Variants in DKK2 observed in about 807,000 individuals in gnomAD.
DKK2 encodes dickkopf Wnt signaling pathway inhibitor 2, also known as dickkopf-related protein 2.
A neutral mutation model predicts 28.1 loss-of-function variants in DKK2; 11 were observed. That is an observed-to-expected ratio of 0.39 (90% CI 0.25 to 0.65). DKK2 has a LOEUF of 0.65. DKK2 is among the 30% of genes least tolerant of loss of function. The pLI is 0.47. For missense variants in DKK2, 326 were observed against 335.5 expected (o/e 0.97, Z 0.22); for synonymous variants, 135 against 126.5 (o/e 1.07, Z -0.45).
At chr4:107,028,513 T>C (rs1341720073) in intron 1 of DKK2, among the ~76,000 whole-genome samples, 1 of 152,188 alleles carries the variant, frequency 6.6e-6, no homozygotes, top group Non-Finnish European at 1.5e-5. Context: ...TAAGTATTAT[T>C]ACTCTTACGT....
chr4:106,931,365 C>G (rs1435397032), intron 1 of DKK2, among the ~76,000 whole-genome samples: 1 of 151,786 alleles, frequency 6.6e-6, no homozygotes, highest in Non-Finnish European at 1.5e-5. Context: ...AACTATGATC[C>G]AGAAACTACT....
chr4:106,975,193 C>A (rs931450116), intron 1 of DKK2, among the ~76,000 whole-genome samples: 3 of 152,102 alleles, frequency 2.0e-5, no homozygotes, highest in African/African-American at 7.2e-5. Flanking sequence ...GGACATTGGT[C>A]TGAAATTATC....
chr4:107,035,808 C>A lies in DKK2; in HGVS notation c.-217G>T. On this transcript the variant is annotated 5_prime_UTR_variant, in exon 1 of 4. Coordinates refer to ENST00000285311, the MANE Select transcript of DKK2 (RefSeq NM_014421.3). ...AACCCAAGCGAGACCCGCTTCTCCA[C>A]CAGGACAGGAAGTTCTGCAATAACT... 1.7e-6 allele frequency: 1 copy of A among 588,892 alleles called. No homozygotes were observed. The highest frequency in any genetic ancestry group is 2.0e-5 in the South Asian group (1 of 49,070). 36.5% of individuals were successfully genotyped at this position (588,892 alleles called of 1,614,324 possible).
chr4:107,030,344 TA>T (rs1368186685), intron 1 of DKK2, among the ~76,000 whole-genome samples: 1 of 152,090 alleles, frequency 6.6e-6, no homozygotes, highest in African/African-American at 2.4e-5. Context: ...ATAGTAATAC[TA>T]AATTTTTCTT....
intron 1 of DKK2, among the ~76,000 whole-genome samples, chr4:107,031,859 GA>G (rs1723880123): frequency 6.6e-6 from 1 of 151,776 alleles, no homozygotes. Flanking sequence ...AATTTGTTTT[GA>G]AGGTGGTCCA....
At position 106,924,528 on chromosome 4, in the gene DKK2, A is replaced by G; in HGVS notation, c.529+17T>C. 6.2e-7 allele frequency: 1 copy of G among 1,609,620 alleles called. No individual in the cohort carries two copies. Among genetic ancestry groups the G allele is most frequent in the Non-Finnish European group, 8.5e-7 (1 of 1,178,086 alleles). Reference sequence around the variant, plus strand: ...TTCTTTATTTTAAAAAAACCCCAGAACTACAGATATCCCTACCTTTTATAT... The same window carrying G: ...TTCTTTATTTTAAAAAAACCCCAGAGCTACAGATATCCCTACCTTTTATAT... On this transcript the variant is annotated intron_variant, in intron 3 of 3. Transcript: ENST00000285311.
chr4:106,972,029 C>A (rs1252088438), intron 1 of DKK2, among the ~76,000 whole-genome samples: 1 of 152,066 alleles, frequency 6.6e-6, no homozygotes, highest in East Asian at 1.9e-4. Context: ...GTGATGCTAG[C>A]TAATATGTCC....
At chr4:106,967,475 A>G (rs759110051) in intron 1 of DKK2, among the ~76,000 whole-genome samples, 14 of 152,254 alleles carry the variant, frequency 9.2e-5, no homozygotes, top group African/African-American at 3.4e-4. Flanking sequence ...CTGGGGAAAA[A>G]GAAGGTGAGG....
At position 106,951,284 on chromosome 4, in the gene DKK2, A is replaced by T. The variant is rs532311279; in HGVS notation, c.223-25335T>A. ...AAATAGTATGAAGATTTCTCAAAAA[A>T]CAACAACAACAAAAGAACTACCATG... On this transcript the variant is annotated intron_variant, in intron 1 of 3. Coordinates refer to ENST00000285311, the MANE Select transcript of DKK2 (RefSeq NM_014421.3). Among the ~76,000 whole-genome samples the T allele has an allele frequency of 4.8e-4, 73 of 152,220 alleles. 1 individual carries two copies. Among genetic ancestry groups the T allele is most frequent in the Middle Eastern group, 3.4e-3 (1 of 294 alleles).
At chr4:106,946,721 C>T (rs892252420) in intron 1 of DKK2, among the ~76,000 whole-genome samples, 18 of 151,858 alleles carry the variant, frequency 1.2e-4, no homozygotes, top group East Asian at 5.8e-4. Context: ...ACCTCTGATG[C>T]GGTTGTTACA....
At chr4:106,993,821 G>A (rs1384578780) in intron 1 of DKK2, among the ~76,000 whole-genome samples, 1 of 152,146 alleles carries the variant, frequency 6.6e-6, no homozygotes, top group Admixed American at 6.6e-5. Flanking sequence ...AAGCTGCGGG[G>A]AAAATAATTT....
At chr4:106,937,229 G>A (rs1199893741) in intron 1 of DKK2, among the ~76,000 whole-genome samples, 13 of 138,670 alleles carry the variant, frequency 9.4e-5, no homozygotes, top group East Asian at 2.1e-4. Context: ...CCCATCTCAC[G>A]TGCAGAGACA....
In DKK2 at chr4:107,035,499, C is replaced by T; in HGVS notation, c.93G>A (p.Ser31=). 1.2e-6 allele frequency: 2 copies of T among 1,614,114 alleles called. No homozygotes were observed. Among genetic ancestry groups the T allele is most frequent in the Admixed American group, 1.7e-5 (1 of 60,016 alleles). Reference sequence around the variant, plus strand: ...ACTTGATGGAGTTGAGTTTGGCCCGCGAACTGCCGATCTGTGAGCTCTCCA... The same window carrying T: ...ACTTGATGGAGTTGAGTTTGGCCCGTGAACTGCCGATCTGTGAGCTCTCCA... ...LMVESSQIGS[S]RAKLNSIKSS... The change falls in exon 1 of 4, where the codon TCG becomes TCA. Residue 31 remains serine, a synonymous_variant. Transcript: ENST00000285311.
intron 1 of DKK2, among the ~76,000 whole-genome samples, chr4:106,936,044 T>G (rs1202435795): frequency 1.3e-5 from 2 of 151,972 alleles, no homozygotes; most frequent in African/African-American, 4.8e-5. Context: ...CTGGAAACTC[T>G]AAATAGCAGA....
chr4:107,005,359 AAAC>A (rs1184420183), intron 1 of DKK2, among the ~76,000 whole-genome samples: 15 of 150,184 alleles, frequency 1.0e-4, no homozygotes, highest in African/African-American at 2.7e-4. Flanking sequence ...AAAAAAAAAA[AAAC>A]AAAAACAAAA....
At chr4:107,028,814 G>T (rs775623326) in intron 1 of DKK2, among the ~76,000 whole-genome samples, 2 of 152,234 alleles carry the variant, frequency 1.3e-5, no homozygotes, top group Admixed American at 6.5e-5. Flanking sequence ...CAAAGCCATT[G>T]CAGAGAAACC....
chr4:106,953,198 T>G (rs1432932912), intron 1 of DKK2, among the ~76,000 whole-genome samples: 1 of 152,186 alleles, frequency 6.6e-6, no homozygotes, highest in African/African-American at 2.4e-5. Flanking sequence ...CTGTTAAACT[T>G]AAGAACACCA....
At chr4:106,926,439 G>A (rs1724427362) in intron 1 of DKK2, among the ~76,000 whole-genome samples, 1 of 152,142 alleles carries the variant, frequency 6.6e-6, no homozygotes, top group South Asian at 2.1e-4. Context: ...TATTTTAAAA[G>A]TGAACCCTTT....
intron 3 of DKK2, 159 bp from the exon 4 acceptor site, chr4:106,924,363 C>T (rs1170954339): frequency 3.2e-6 from 4 of 1,248,320 alleles, no homozygotes; most frequent in Non-Finnish European, 4.3e-6. Flanking sequence ...GGCTCTGCCT[C>T]TTATCACATA....
Sources: gnomAD v4.1 joint callset for allele counts (sites outside exome capture counted in the v4.1 genomes callset) on GRCh38, gnomAD v4.1.1 for gene constraint, MANE v1.5 for transcripts, NCBI Gene and HGNC (gene_info 2026-07-23, HGNC 2026-07-21) for gene names.